Variants in TAFA5 observed in about 807,000 individuals in gnomAD.
TAFA5 encodes TAFA chemokine like family member 5.
Under a neutral mutation model 15.3 loss-of-function variants are expected in TAFA5, and 6 were observed. That is an observed-to-expected ratio of 0.39 (90% confidence interval 0.21 to 0.77). TAFA5 has a LOEUF of 0.77. Ranked by LOEUF, TAFA5 falls within the 30% of genes least tolerant of loss-of-function variation. TAFA5 has a pLI of 0.41. For missense variants in TAFA5, 161 were observed against 193.1 expected (o/e 0.83, Z 0.98); for synonymous variants, 103 against 80.7 (o/e 1.28, Z -1.48).
Position 48,749,833 on chromosome 22 carries a change from C to T in TAFA5, c.391-6C>T, listed in dbSNP as rs1337834008. The T allele has an allele frequency of 1.3e-6, 2 of 1,560,930 alleles. No individual in the cohort carries two copies. The highest frequency in any genetic ancestry group is 1.7e-6 in the Non-Finnish European group (2 of 1,151,838). ...GGCTCACCCTCTCTCTCTCTTTGCTCCTCAGGTCTCCTGACAAACACAGCC... is the reference window on the plus strand; with the variant it reads ...GGCTCACCCTCTCTCTCTCTTTGCTTCTCAGGTCTCCTGACAAACACAGCC... On this transcript the variant is annotated splice_region_variant and splice_polypyrimidine_tract_variant and intron_variant, in intron 3 of 3. Coordinates refer to ENST00000402357, the MANE Select transcript of TAFA5 (RefSeq NM_001082967.3).
At chr22:48,519,571 T>A (rs1921533634) in intron 1 of TAFA5, among the ~76,000 whole-genome samples, 1 of 151,378 alleles carries the variant, frequency 6.6e-6, no homozygotes, top group Non-Finnish European at 1.5e-5. Flanking sequence ...CCCCTGTGGC[T>A]GCTGGGCCAC....
chr22:48,589,374 AAGAC>A (rs1924476690), intron 1 of TAFA5, among the ~76,000 whole-genome samples: 2 of 152,218 alleles, frequency 1.3e-5, no homozygotes, highest in African/African-American at 4.8e-5. Context: ...GAGGTCCCCA[AAGAC>A]AGAGCCACCT....
intron 1 of TAFA5, among the ~76,000 whole-genome samples, chr22:48,558,393 C>T (rs76306503): frequency 0.02 from 3,066 of 152,224 alleles, 107 homozygotes; most frequent in East Asian, 0.17. Context: ...ACTGACATAA[C>T]GCTCTTTAAT....
At chr22:48,509,706 C>T (rs550073180) in intron 1 of TAFA5, among the ~76,000 whole-genome samples, 66 of 152,292 alleles carry the variant, frequency 4.3e-4, no homozygotes, top group Non-Finnish European at 7.8e-4. Context: ...AATCCCAGCA[C>T]TTTGGGAGGC....
intron 1 of TAFA5, chr22:48,576,430 T>C: frequency 7.5e-7 from 1 of 1,327,302 alleles, no homozygotes; most frequent in Non-Finnish European, 9.8e-7. Flanking sequence ...ATGCGGCGCC[T>C]GGACCTTCGC....
intron 1 of TAFA5, chr22:48,544,905 C>T: frequency 1.5e-5 from 7 of 470,582 alleles, no homozygotes; most frequent in South Asian, 9.3e-5. Context: ...CTGCATCTGT[C>T]CCACCTCCTG....
chr22:48,587,067 G>A (rs1165600404), intron 1 of TAFA5, among the ~76,000 whole-genome samples: 1 of 152,250 alleles, frequency 6.6e-6, no homozygotes, highest in Admixed American at 6.5e-5. Flanking sequence ...TTTGTCTGTG[G>A]TTTCCCTGTG....
At chr22:48,691,207 C>T (rs892926452) in intron 2 of TAFA5, among the ~76,000 whole-genome samples, 3 of 152,136 alleles carry the variant, frequency 2.0e-5, no homozygotes, top group Admixed American at 1.3e-4. Context: ...GGCTCGGGTG[C>T]GAGGTGCAGG....
At chr22:48,491,559 C>T (rs1383116438) in intron 1 of TAFA5, among the ~76,000 whole-genome samples, 1 of 152,228 alleles carries the variant, frequency 6.6e-6, no homozygotes, top group East Asian at 1.9e-4. Context: ...CTAATTGTTG[C>T]GAAGTACTTG....
At chr22:48,557,779 T>C (rs1923091623) in intron 1 of TAFA5, among the ~76,000 whole-genome samples, 1 of 152,110 alleles carries the variant, frequency 6.6e-6, no homozygotes, top group South Asian at 2.1e-4. Context: ...GGGCGATCAT[T>C]GTTCAGGGAG....
chr22:48,690,331 G>C (rs1052780689), intron 2 of TAFA5, among the ~76,000 whole-genome samples: 8 of 152,106 alleles, frequency 5.3e-5, no homozygotes, highest in Non-Finnish European at 1.2e-4. Context: ...CAGAAAGTGG[G>C]TCTGGGTGTG....
intron 1 of TAFA5, among the ~76,000 whole-genome samples, chr22:48,644,970 G>C (rs1265235838): frequency 6.6e-6 from 1 of 152,264 alleles, no homozygotes; most frequent in Non-Finnish European, 1.5e-5. Context: ...CATCTCTGAT[G>C]CTGCGGCCAT....
At chr22:48,523,517 G>C (rs1203809380) in intron 1 of TAFA5, among the ~76,000 whole-genome samples, 1 of 152,184 alleles carries the variant, frequency 6.6e-6, no homozygotes, top group Non-Finnish European at 1.5e-5. Flanking sequence ...AGCCCCGAAG[G>C]CTGGCCCGGG....
chr22:48,562,278 C>T (rs1213759159), intron 1 of TAFA5, among the ~76,000 whole-genome samples: 1 of 151,736 alleles, frequency 6.6e-6, no homozygotes, highest in East Asian at 1.9e-4. Context: ...GCTGGGACTA[C>T]AGGCGCCCGC....
At chr22:48,538,301 G>T (rs1482013837) in intron 1 of TAFA5, among the ~76,000 whole-genome samples, 1 of 152,198 alleles carries the variant, frequency 6.6e-6, no homozygotes, top group African/African-American at 2.4e-5. Flanking sequence ...TGGGCAAGGG[G>T]CTGAGGGCCG....
intron 1 of TAFA5, among the ~76,000 whole-genome samples, chr22:48,508,994 T>C (rs1921111935): frequency 6.6e-6 from 1 of 152,198 alleles, no homozygotes; most frequent in Non-Finnish European, 1.5e-5. Context: ...CTAATAACCA[T>C]AATTCTCCTC....
At position 48,682,942 on chromosome 22, in the gene TAFA5, C is replaced by G. The variant is rs932580124; in HGVS notation, c.263-24775C>G. Among the ~76,000 whole-genome samples the G allele has an allele frequency of 3.3e-5, 5 of 152,306 alleles. No individual in the cohort carries two copies. The South Asian group carries it at 1.0e-3, about 32-fold the overall frequency. ...GCAGTTTTTGACTTTTGATTTCCGT[C>G]TCTCCCCTTGTCTTGACCACACCTA... On this transcript the variant is annotated intron_variant, in intron 2 of 3. Coordinates refer to ENST00000402357, the MANE Select transcript of TAFA5 (RefSeq NM_001082967.3).
chr22:48,710,527 C>T (rs1208263507), intron 3 of TAFA5, among the ~76,000 whole-genome samples: 1 of 152,094 alleles, frequency 6.6e-6, no homozygotes, highest in Non-Finnish European at 1.5e-5. Context: ...CTCCCGCATC[C>T]GTCCAGGGCC....
At chr22:48,605,213 A>ATGGTGATGATGG (rs1925123536) in intron 1 of TAFA5, among the ~76,000 whole-genome samples, 1 of 1,580 alleles carries the variant, frequency 6.3e-4, no homozygotes, top group African/African-American at 2.2e-3. Flanking sequence ...GATGGTGGTG[A>ATGGTGATGATGG]TGGTGGTGAT....
Sources: allele counts gnomAD v4.1 joint callset (sites outside exome capture counted in the v4.1 genomes callset), GRCh38; gene constraint gnomAD v4.1.1; transcripts MANE v1.5; gene names NCBI Gene and HGNC (gene_info 2026-07-23, HGNC 2026-07-21).